The following ERBB4 variants were observed in gnomAD, a reference collection of about 807,000 sequenced individuals.
ERBB4 encodes the protein receptor tyrosine-protein kinase erbB-4.
In ERBB4, 42 loss-of-function variants were observed where a neutral mutation model predicts 158.0. That is an observed-to-expected ratio of 0.27 (90% CI 0.21 to 0.34). The LOEUF (loss-of-function observed/expected upper bound fraction) is 0.34, where lower values mean the gene tolerates loss of function less well. Among genes scored for constraint, ERBB4 ranks in the 10% least tolerant of loss-of-function variants. The probability of loss-of-function intolerance (pLI) is 1.00; values close to 1 mark genes in which losing one functional copy is unlikely to be tolerated. For synonymous variants in ERBB4, 583 were observed against 558.7 expected (o/e 1.04, Z -0.61); for missense variants, 1,333 against 1,624.1 (o/e 0.82, Z 3.08).
chr2:212,430,541 A>G (rs2092005475), intron 1 of ERBB4, among the ~76,000 whole-genome samples: 1 of 151,858 alleles, frequency 6.6e-6, no homozygotes, highest in Non-Finnish European at 1.5e-5. Flanking sequence ...CCTGGGTTGA[A>G]GCGATTCTCC....
At chr2:211,452,305 G>C (rs536401944) in intron 20 of ERBB4, among the ~76,000 whole-genome samples, 11 of 152,208 alleles carry the variant, frequency 7.2e-5, no homozygotes, top group African/African-American at 2.4e-4. Flanking sequence ...AGCCTCCTGA[G>C]TAGCTGGGAT....
At chr2:212,085,405 A>G (rs2078573314) in intron 2 of ERBB4, among the ~76,000 whole-genome samples, 1 of 151,952 alleles carries the variant, frequency 6.6e-6, no homozygotes. Flanking sequence ...TACAGCACTG[A>G]ATACAAATGA....
In ERBB4 at chr2:211,378,538, C is replaced by A. The variant is rs1290096483; in HGVS notation, c.*5077G>T. The stretch of plus-strand genomic sequence containing the variant: ...ACAAACACAAGGGCCCCTGGCCCGA[C>A]ACAATGCCCACAACAGCTTCTTGTT... On this transcript the variant is annotated 3_prime_UTR_variant, in exon 28 of 28. Coordinates refer to ENST00000342788, the MANE Select transcript of ERBB4 (RefSeq NM_005235.3). 8.6e-6 allele frequency: 2 copies of A among 232,752 alleles called. No individual in the cohort carries two copies. Among genetic ancestry groups the A allele is most frequent in the Non-Finnish European group, 1.7e-5 (2 of 117,462 alleles). The allele number at this position is 232,752 out of a possible 1,614,324, so 14.4% of individuals were successfully genotyped here. A position where few individuals can be genotyped will look rare whatever the true frequency, so the allele number is the denominator to read the frequency against.
chr2:211,566,750 A>G (rs999106050), intron 19 of ERBB4, among the ~76,000 whole-genome samples: 1 of 152,190 alleles, frequency 6.6e-6, no homozygotes, highest in African/African-American at 2.4e-5. Flanking sequence ...CATTAATTTA[A>G]TTATATATTT....
intron 1 of ERBB4, among the ~76,000 whole-genome samples, chr2:212,373,192 A>G (rs1393883961): frequency 1.3e-5 from 2 of 152,162 alleles, no homozygotes; most frequent in Non-Finnish European, 2.9e-5. Context: ...AATAAGCCCA[A>G]GAAAGTAGCA....
chr2:212,035,450 A>G (rs2076991664), intron 2 of ERBB4, among the ~76,000 whole-genome samples: 1 of 152,168 alleles, frequency 6.6e-6, no homozygotes, highest in Admixed American at 6.5e-5. Context: ...CAAAATATTC[A>G]TGCTTCAAAA....
At chr2:212,418,536 C>CAT (rs576577883) in intron 1 of ERBB4, among the ~76,000 whole-genome samples, 1,969 of 148,870 alleles carry the variant, frequency 0.013, 39 homozygotes, top group African/African-American at 0.045. Context: ...ATAAAATAAA[C>CAT]ATATATATAT....
chr2:211,822,076 C>T (rs1208048722), intron 3 of ERBB4, among the ~76,000 whole-genome samples: 2 of 151,676 alleles, frequency 1.3e-5, no homozygotes, highest in Non-Finnish European at 2.9e-5. Flanking sequence ...CATGATCTCA[C>T]TAGTGGAAGC....
chr2:212,018,826 G>C (rs1005027993), intron 2 of ERBB4, among the ~76,000 whole-genome samples: 4 of 152,066 alleles, frequency 2.6e-5, no homozygotes, highest in Non-Finnish European at 1.5e-5. Flanking sequence ...AAAGGAGACA[G>C]GGAGAACATT....
chr2:211,858,368 CA>C (rs1303288677), intron 3 of ERBB4, among the ~76,000 whole-genome samples: 1 of 152,120 alleles, frequency 6.6e-6, no homozygotes, highest in Non-Finnish European at 1.5e-5. Flanking sequence ...ATGTTTTTGA[CA>C]TATAAAAGTA....
intron 24 of ERBB4, among the ~76,000 whole-genome samples, chr2:211,421,588 A>G (rs2063515779): frequency 6.6e-6 from 1 of 151,948 alleles, no homozygotes; most frequent in Non-Finnish European, 1.5e-5. Context: ...TGGGGAAATT[A>G]AATAATATAC....
intron 25 of ERBB4, among the ~76,000 whole-genome samples, chr2:211,409,505 A>G (rs1016240559): frequency 6.6e-6 from 1 of 152,180 alleles, no homozygotes; most frequent in Non-Finnish European, 1.5e-5. Context: ...CGATACAGAC[A>G]TTGTTCTCCC....
At chr2:211,865,052 C>T (rs1440829355) in intron 3 of ERBB4, among the ~76,000 whole-genome samples, 1 of 151,906 alleles carries the variant, frequency 6.6e-6, no homozygotes. Context: ...CTATAATTTC[C>T]TAGAAGTGGT....
chr2:212,371,693 TG>T (rs1164905023), intron 1 of ERBB4, among the ~76,000 whole-genome samples: 1 of 152,192 alleles, frequency 6.6e-6, no homozygotes, highest in Non-Finnish European at 1.5e-5. Context: ...TTGTTCCTAT[TG>T]ATATCTCTGT....
chr2:211,391,853 T>G (rs1574397550), intron 25 of ERBB4, among the ~76,000 whole-genome samples: 1 of 152,198 alleles, frequency 6.6e-6, no homozygotes, highest in African/African-American at 2.4e-5. Context: ...AAAATTATTA[T>G]ACAAATCTAC....
chr2:211,394,333 T>C (rs1461649012), intron 25 of ERBB4, among the ~76,000 whole-genome samples: 2 of 152,184 alleles, frequency 1.3e-5, no homozygotes, highest in East Asian at 3.9e-4. Context: ...CACACAGAAT[T>C]GATCTCTTTA....
At chr2:212,122,391 C>CA (rs2079784708) in intron 2 of ERBB4, among the ~76,000 whole-genome samples, 1 of 151,422 alleles carries the variant, frequency 6.6e-6, no homozygotes, top group Admixed American at 6.6e-5. Context: ...ATATGTGGAA[C>CA]AAAAAATAAG....
chr2:212,007,785 A>G (rs1166203310), intron 2 of ERBB4, among the ~76,000 whole-genome samples: 1 of 151,986 alleles, frequency 6.6e-6, no homozygotes, highest in Admixed American at 6.6e-5. Context: ...ACAAATAATT[A>G]CTAAAAATAC....
Position 211,611,708 on chromosome 2 carries a change from TAGAG to T in ERBB4, c.2301+7465_2301+7468del, listed in dbSNP as rs149544462. 7.5e-3 allele frequency among the ~76,000 whole-genome samples: 1,139 copies of T among 152,240 alleles called. 20 individuals are homozygous for T. The highest frequency in any genetic ancestry group is 0.026 in the African/African-American group (1,096 of 41,560). On this transcript the variant is annotated intron_variant, in intron 19 of 27. Transcript: ENST00000342788. ...ACTCTTACTGAAACAGAAAATAAAA[TAGAG>T]AGGTCAAAAGGAGAAGAGATCCTGA... is the stretch of plus-strand genomic sequence containing the variant.
Sources: allele counts gnomAD v4.1 joint callset (sites outside exome capture counted in the v4.1 genomes callset), GRCh38; gene constraint gnomAD v4.1.1; transcripts MANE v1.5; gene names NCBI Gene and HGNC (gene_info 2026-07-23, HGNC 2026-07-21).